TACR3: variants seen among roughly 807,000 people sequenced by gnomAD.
TACR3 encodes the protein tachykinin receptor 3, also known as neuromedin-K receptor.
A neutral mutation model predicts 35.0 loss-of-function variants in TACR3; 34 were observed. The observed-to-expected ratio is 0.97, with a 90% CI of 0.74 to 1.30. TACR3 has a LOEUF of 1.30. Ranked by LOEUF, TACR3 falls within the 50% of genes most tolerant of loss-of-function variation. The pLI is 0.00. For missense variants in TACR3, 558 were observed against 591.7 expected (o/e 0.94, Z 0.59); for synonymous variants, 233 against 221.1 (o/e 1.05, Z -0.48).
chr4:103,688,871 C>T (rs1455013824), intron 1 of TACR3, among the ~76,000 whole-genome samples: 2 of 152,096 alleles, frequency 1.3e-5, no homozygotes, highest in East Asian at 3.9e-4. Flanking sequence ...ACTAGAAATA[C>T]CATTTGACCC....
chr4:103,600,031 T>C (rs1310149086), intron 3 of TACR3, among the ~76,000 whole-genome samples: 1 of 152,162 alleles, frequency 6.6e-6, no homozygotes, highest in Non-Finnish European at 1.5e-5. Flanking sequence ...GAAGGAATGG[T>C]ATCAGCTCCT....
intron 3 of TACR3, among the ~76,000 whole-genome samples, chr4:103,595,275 C>A (rs559246884): frequency 4.1e-4 from 62 of 152,164 alleles, no homozygotes; most frequent in African/African-American, 1.3e-3. Context: ...GGCAAGATGA[C>A]AATCTGGGAC....
At chr4:103,627,213 C>G (rs1411321447) in intron 3 of TACR3, among the ~76,000 whole-genome samples, 2 of 117,564 alleles carry the variant, frequency 1.7e-5, no homozygotes, top group Admixed American at 1.8e-4. Context: ...AAAAAAAAGT[C>G]TAGGTATTAA....
At chr4:103,680,102 A>G (rs1045060479) in intron 1 of TACR3, among the ~76,000 whole-genome samples, 7 of 151,826 alleles carry the variant, frequency 4.6e-5, no homozygotes, top group Non-Finnish European at 8.8e-5. Context: ...GCAGTACTTG[A>G]GAACAGATAA....
chr4:103,591,361 A>G lies in TACR3; in HGVS notation c.1085+126T>C. The G allele has an allele frequency of 2.8e-6, 3 of 1,081,144 alleles. No individual in the cohort carries two copies. The South Asian group carries it at 4.0e-5, about 14-fold the overall frequency. The allele number at this position is 1,081,144 out of a possible 1,614,324, so 67.0% of individuals were successfully genotyped here. The stretch of plus-strand genomic sequence containing the variant: ...GAAAGATAAAGCCTGTGCCTCTCTC[A>G]GTGAATTCTTAAATTTTCCCTTCCT... On this transcript the variant is annotated intron_variant, in intron 4 of 4. Transcript: ENST00000304883.
rs575006287 is a variant in TACR3 at position 103,649,237 on chromosome 4, A to G, written c.888+6957T>C. On this transcript the variant is annotated intron_variant, in intron 3 of 4. Coordinates refer to ENST00000304883, the MANE Select transcript of TACR3 (RefSeq NM_001059.3). ...AATATTTTCTCCCATTCTGTGGGTTATCTCTTCACTTTACTGATTGCTTCC... is the reference window on the plus strand; with the variant it reads ...AATATTTTCTCCCATTCTGTGGGTTGTCTCTTCACTTTACTGATTGCTTCC... Among the ~76,000 whole-genome samples, 4 of 152,048 alleles carry G rather than the reference A, an allele frequency of 2.6e-5. No individual in the cohort carries two copies. The East Asian group carries it at 7.7e-4, about 29-fold the overall frequency.
chr4:103,699,562 G>C (rs942889666), intron 1 of TACR3, among the ~76,000 whole-genome samples: 1 of 152,160 alleles, frequency 6.6e-6, no homozygotes, highest in Admixed American at 6.5e-5. Flanking sequence ...AGGGAAACAG[G>C]AGTAAGGGTA....
intron 3 of TACR3, among the ~76,000 whole-genome samples, chr4:103,614,604 A>G (rs1724589305): frequency 1.3e-5 from 2 of 152,172 alleles, no homozygotes; most frequent in South Asian, 2.1e-4. Flanking sequence ...ACGTTAGTAT[A>G]TTGGATATAG....
chr4:103,651,052 G>A (rs74906036), intron 3 of TACR3, among the ~76,000 whole-genome samples: 1 of 58,412 alleles, frequency 1.7e-5, no homozygotes, highest in Non-Finnish European at 3.0e-5. Context: ...ATAAAATAAT[G>A]ACCACCTGGC....
At chr4:103,662,392 T>A (rs902302668) in intron 1 of TACR3, among the ~76,000 whole-genome samples, 2 of 152,058 alleles carry the variant, frequency 1.3e-5, no homozygotes, top group African/African-American at 4.8e-5. Flanking sequence ...GGCTAATTTT[T>A]GTATTTTTAG....
In TACR3 at chr4:103,599,979, T is replaced by G. The variant is rs552605307; in HGVS notation, c.889-8296A>C. ...ATGATGCTGGCCTCATAAAATGAGT[T>G]AGGGAGGATTCCCTCTTTTTCTATT... On this transcript the variant is annotated intron_variant, in intron 3 of 4. Coordinates refer to ENST00000304883, the MANE Select transcript of TACR3 (RefSeq NM_001059.3). Among the ~76,000 whole-genome samples, 5 of 152,298 alleles carry G rather than the reference T, an allele frequency of 3.3e-5. No individual in the cohort carries two copies. In the East Asian group the frequency reaches 9.6e-4, roughly 29 times the overall value.
At chr4:103,680,532 TATAC>T in intron 1 of TACR3, among the ~76,000 whole-genome samples, 1 of 149,194 alleles carries the variant, frequency 6.7e-6, no homozygotes, top group Non-Finnish European at 1.5e-5. Flanking sequence ...TACACATATA[TATAC>T]ATATATATAC....
At chr4:103,617,035 A>G (rs976933824) in intron 3 of TACR3, among the ~76,000 whole-genome samples, 4 of 152,212 alleles carry the variant, frequency 2.6e-5, no homozygotes, top group Non-Finnish European at 4.4e-5. Context: ...GACTTACAGG[A>G]GAAAGCATAG....
chr4:103,700,196 G>A (rs1414240781), intron 1 of TACR3, among the ~76,000 whole-genome samples: 1 of 152,070 alleles, frequency 6.6e-6, no homozygotes, highest in Non-Finnish European at 1.5e-5. Flanking sequence ...CTTCTCCCAT[G>A]ACTTAAAGCT....
intron 3 of TACR3, among the ~76,000 whole-genome samples, chr4:103,597,321 G>A (rs1468565526): frequency 6.6e-6 from 1 of 152,042 alleles, no homozygotes; most frequent in East Asian, 1.9e-4. Flanking sequence ...ATATCTCATT[G>A]TGGTTTTGGT....
At chr4:103,704,787 C>A (rs1365015587) in intron 1 of TACR3, among the ~76,000 whole-genome samples, 5 of 152,132 alleles carry the variant, frequency 3.3e-5, no homozygotes, top group Non-Finnish European at 7.4e-5. Context: ...TTACCACTAT[C>A]CTCTCCCCGA....
At chr4:103,683,193 G>T (rs762204833) in intron 1 of TACR3, among the ~76,000 whole-genome samples, 9 of 151,668 alleles carry the variant, frequency 5.9e-5, no homozygotes, top group Admixed American at 3.3e-4. Context: ...AAAACCTGTG[G>T]GATTCAACTA....
chr4:103,591,000 T>G (rs955832488), intron 4 of TACR3, among the ~76,000 whole-genome samples: 3 of 152,080 alleles, frequency 2.0e-5, no homozygotes, highest in Admixed American at 1.3e-4. Context: ...AGGATTGGAG[T>G]TCCCATTGTT....
At chr4:103,706,234 G>A (rs1205770853) in intron 1 of TACR3, among the ~76,000 whole-genome samples, 2 of 152,150 alleles carry the variant, frequency 1.3e-5, no homozygotes, top group African/African-American at 4.8e-5. Flanking sequence ...AGACATCCAA[G>A]TAGAAATGTC....
Sources: gnomAD v4.1 joint callset for allele counts (sites outside exome capture counted in the v4.1 genomes callset) on GRCh38, gnomAD v4.1.1 for gene constraint, MANE v1.5 for transcripts, NCBI Gene and HGNC (gene_info 2026-07-23, HGNC 2026-07-21) for gene names.